Variants in MBNL2 observed in about 807,000 individuals in gnomAD.
MBNL2 encodes muscleblind like splicing regulator 2, also known as muscleblind-like protein 2.
A neutral mutation model predicts 41.9 loss-of-function variants in MBNL2; 17 were observed. The ratio of observed to expected loss-of-function variants is 0.41; its 90% CI spans 0.28 to 0.61. The LOEUF (loss-of-function observed/expected upper bound fraction) is 0.61, where lower values mean the gene tolerates loss of function less well. MBNL2 is among the 20% of genes least tolerant of loss of function. The probability of loss-of-function intolerance (pLI) is 0.35; values close to 1 mark genes in which losing one functional copy is unlikely to be tolerated. For missense variants in MBNL2, 336 were observed against 505.6 expected, an observed-to-expected ratio of 0.66 and a Z score of 3.22; for synonymous variants, 195 against 182.9, an observed-to-expected ratio of 1.07 and a Z score of -0.53.
chr13:97,210,242 G>A, the MBNL2 span, among the ~76,000 whole-genome samples: 1 of 152,178 alleles, frequency 6.6e-6, no homozygotes, highest in Non-Finnish European at 1.5e-5. Flanking sequence ...ATAAAGCAAG[G>A]TTATAAATGC....
chr13:97,276,536 G>A (rs1308546300), intron 2 of MBNL2, 127 bp downstream of exon 2: 2 of 903,520 alleles, frequency 2.2e-6, no homozygotes, highest in Non-Finnish European at 3.4e-6. Flanking sequence ...TGTGGTGACT[G>A]TTGGGAGATT....
intron 8 of MBNL2, among the ~76,000 whole-genome samples, chr13:97,368,633 G>A (rs1279753396): frequency 6.6e-6 from 1 of 151,764 alleles, no homozygotes; most frequent in Non-Finnish European, 1.5e-5. Context: ...TTCAAGCCTA[G>A]TGATTCTTTG....
chr13:97,180,145 G>A, the MBNL2 span, among the ~76,000 whole-genome samples: 1 of 152,172 alleles, frequency 6.6e-6, no homozygotes, highest in Non-Finnish European at 1.5e-5. Context: ...GAATTAGGAG[G>A]TAAACTCTAC....
chr13:97,297,765 T>A (rs9513231), intron 2 of MBNL2, among the ~76,000 whole-genome samples: 5,911 of 152,328 alleles, frequency 0.039, 174 homozygotes, highest in South Asian at 0.11. Flanking sequence ...TCTTTTTCTA[T>A]GGTTTGCCTC....
At chr13:97,336,932 T>C (rs2060935750) in intron 3 of MBNL2, among the ~76,000 whole-genome samples, 1 of 152,156 alleles carries the variant, frequency 6.6e-6, no homozygotes, top group South Asian at 2.1e-4. Context: ...ATTCCCTCCT[T>C]CTTCTGTCCA....
chr13:97,218,430 C>CAAAAAAAAAAAAA (rs746110575), upstream of MBNL2, among the ~76,000 whole-genome samples: 28 of 69,010 alleles, frequency 4.1e-4, no homozygotes, highest in Admixed American at 6.5e-4. Flanking sequence ...AAAAACAAAA[C>CAAAAAAAAAAAAA]AAAACAAAAC....
the MBNL2 span, among the ~76,000 whole-genome samples, chr13:97,158,363 T>C: frequency 3.3e-5 from 5 of 152,128 alleles, no homozygotes; most frequent in Admixed American, 3.3e-4. Flanking sequence ...GATTCATTAA[T>C]TTTTTGAAGG....
At chr13:97,351,108 T>C (rs2062406462) in intron 5 of MBNL2, among the ~76,000 whole-genome samples, 1 of 152,220 alleles carries the variant, frequency 6.6e-6, no homozygotes, top group Non-Finnish European at 1.5e-5. Flanking sequence ...AAAACAACAT[T>C]AATCTCCTTG....
intron 2 of MBNL2, among the ~76,000 whole-genome samples, chr13:97,328,771 G>A (rs1413232957): frequency 6.6e-6 from 1 of 152,084 alleles, no homozygotes; most frequent in African/African-American, 2.4e-5. Context: ...ATTCCTATGG[G>A]CAAAAACTAT....
At chr13:97,321,425 C>A (rs893428920) in intron 2 of MBNL2, among the ~76,000 whole-genome samples, 4 of 152,160 alleles carry the variant, frequency 2.6e-5, no homozygotes, top group African/African-American at 9.7e-5. Context: ...TGTCTGTTTT[C>A]TACTATCCAC....
At chr13:97,331,694 T>C (rs970136972) in intron 2 of MBNL2, among the ~76,000 whole-genome samples, 3 of 152,174 alleles carry the variant, frequency 2.0e-5, no homozygotes, top group Admixed American at 2.0e-4. Flanking sequence ...ATAGGGATCA[T>C]TACTGCTGTT....
At position 97,334,015 on chromosome 13, in the gene MBNL2, AGAGGGAGG is replaced by A. The variant is rs1230913128; in HGVS notation, c.175-250_175-243del. On this transcript the variant is annotated intron_variant, in intron 2 of 8. Transcript: ENST00000679496. This position sits in a 1 kb window ranked among gnomAD's most constrained non-coding sequence, Gnocchi z 5.3. ...AAGAAAGAGAAAGAGAGAAAGAGAG[AGAGGGAGG>A]GAGGGAGGGAAAAATCCTCAGGAAG... Among the ~76,000 whole-genome samples, 1 of 65,624 alleles carries A rather than the reference AGAGGGAGG, an allele frequency of 1.5e-5. No individual in the cohort carries two copies. Among genetic ancestry groups the A allele is most frequent in the Admixed American group, 1.7e-4 (1 of 6,042 alleles). 43.1% of individuals were successfully genotyped at this position (65,624 alleles called of 152,430 possible).
At chr13:97,237,026 C>T (rs956378071) in intron 1 of MBNL2, among the ~76,000 whole-genome samples, 6 of 152,044 alleles carry the variant, frequency 3.9e-5, no homozygotes, top group South Asian at 4.1e-4. Context: ...CGGTGTAGCC[C>T]TAGATTAGCC....
the MBNL2 span, among the ~76,000 whole-genome samples, chr13:97,203,106 T>C: frequency 1.2e-4 from 19 of 152,096 alleles, no homozygotes; most frequent in Admixed American, 1.2e-3. Flanking sequence ...TGCTGGACAA[T>C]GGGAAAGCTG....
chr13:97,357,261 T>C (rs1699338298), intron 6 of MBNL2, among the ~76,000 whole-genome samples: 1 of 152,154 alleles, frequency 6.6e-6, no homozygotes, highest in Admixed American at 6.5e-5. Flanking sequence ...TTCTTTTCCT[T>C]AGTTGAGATG....
At chr13:97,266,771 C>T (rs186426151) in intron 1 of MBNL2, among the ~76,000 whole-genome samples, 2 of 151,998 alleles carry the variant, frequency 1.3e-5, no homozygotes, top group Admixed American at 1.3e-4. Context: ...CTCAGAGATT[C>T]CGAAAATTAG....
At chr13:97,345,810 T>C (rs2061791859) in intron 4 of MBNL2, among the ~76,000 whole-genome samples, 1 of 149,264 alleles carries the variant, frequency 6.7e-6, no homozygotes, top group Non-Finnish European at 1.5e-5. Context: ...CGTCATTTTC[T>C]CTGATTCTTT....
In MBNL2 at chr13:97,334,145, CACCCA is replaced by C; in HGVS notation, c.175-130_175-126del. On this transcript the variant is annotated intron_variant, in intron 2 of 8. Coordinates refer to ENST00000679496, the MANE Select transcript of MBNL2 (RefSeq NM_001382683.1). This position sits in a 1 kb window ranked among gnomAD's most constrained non-coding sequence, Gnocchi z 5.3. ...ACAAACACATGAGCATGCGCGCGCACACCCACACACACACACACACACACACACAC... is the reference window on the plus strand; with the variant it reads ...ACAAACACATGAGCATGCGCGCGCACCACACACACACACACACACACACAC... The C allele has an allele frequency of 1.6e-6, 1 of 611,360 alleles. No individual in the cohort carries two copies. The highest frequency in any genetic ancestry group is 2.4e-5 in the South Asian group (1 of 41,830). 37.9% of individuals were successfully genotyped at this position (611,360 alleles called of 1,614,324 possible). A position where few individuals can be genotyped will look rare whatever the true frequency, so the allele number is the denominator to read the frequency against.
At chr13:97,296,675 A>G (rs2152991037) in intron 2 of MBNL2, among the ~76,000 whole-genome samples, 1 of 152,320 alleles carries the variant, frequency 6.6e-6, no homozygotes, top group Middle Eastern at 3.4e-3. Flanking sequence ...GCTAGTTGCA[A>G]AAAGGTGCTT....
Sources: gnomAD v4.1 joint callset for allele counts (sites outside exome capture counted in the v4.1 genomes callset) on GRCh38, gnomAD v4.1.1 for gene constraint, Gnocchi (gnomAD v3.1) non-coding constraint, MANE v1.5 for transcripts, NCBI Gene and HGNC (gene_info 2026-07-23, HGNC 2026-07-21) for gene names.